TXNRD1: variants seen among roughly 807,000 people sequenced by gnomAD.
TXNRD1 encodes thioredoxin reductase 1, also known as thioredoxin reductase 1, cytoplasmic.
In TXNRD1, 57 loss-of-function variants were observed where a neutral mutation model predicts 80.3. The ratio of observed to expected loss-of-function variants is 0.71; its 90% confidence interval spans 0.57 to 0.89. The LOEUF is 0.89. TXNRD1 is among the 40% of genes least tolerant of loss of function. The pLI is 0.00. For missense variants in TXNRD1, 730 were observed against 803.0 expected (o/e 0.91, Z 1.10); for synonymous variants, 291 against 285.2 (o/e 1.02, Z -0.20).
At chr12:104,252,263 G>C (rs976420675) in intron 2 of TXNRD1, among the ~76,000 whole-genome samples, 1 of 152,126 alleles carries the variant, frequency 6.6e-6, no homozygotes, top group African/African-American at 2.4e-5. Flanking sequence ...GGCCCTTTCA[G>C]ATATGTCTGT....
At chr12:104,246,667 C>T (rs1489079571) in intron 1 of TXNRD1, among the ~76,000 whole-genome samples, 2 of 151,212 alleles carry the variant, frequency 1.3e-5, no homozygotes, top group Non-Finnish European at 2.9e-5. Context: ...GGATTACAGG[C>T]GTGCACCACC....
At chr12:104,332,841 A>G (rs911509503) in intron 14 of TXNRD1, among the ~76,000 whole-genome samples, 1 of 151,596 alleles carries the variant, frequency 6.6e-6, no homozygotes, top group Non-Finnish European at 1.5e-5. Context: ...TTAATTCATG[A>G]AGAGATAACT....
intron 6 of TXNRD1, among the ~76,000 whole-genome samples, chr12:104,315,296 A>G (rs1380274139): frequency 6.6e-6 from 1 of 152,248 alleles, no homozygotes; most frequent in Non-Finnish European, 1.5e-5. Flanking sequence ...GAAAACTTAC[A>G]TTAACCTACA....
intron 2 of TXNRD1, among the ~76,000 whole-genome samples, chr12:104,253,465 A>C (rs1272040488): frequency 6.6e-6 from 1 of 152,126 alleles, no homozygotes; most frequent in Non-Finnish European, 1.5e-5. Context: ...ATCTCAGATA[A>C]CCCATGCTAA....
At chr12:104,230,497 T>C in intron 1 of TXNRD1, among the ~76,000 whole-genome samples, 1 of 152,226 alleles carries the variant, frequency 6.6e-6, no homozygotes, top group Non-Finnish European at 1.5e-5. Flanking sequence ...TGTCTATCTT[T>C]TTTATTCTAG....
rs137940779 is a variant in TXNRD1 at position 104,273,683 on chromosome 12, C to T, written c.305-15248C>T. 5.0e-3 allele frequency among the ~76,000 whole-genome samples: 768 copies of T among 152,308 alleles called. 9 individuals are homozygous for T. Among genetic ancestry groups the T allele is most frequent in the African/African-American group, 0.017 (717 of 41,584 alleles). On this transcript the variant is annotated intron_variant, in intron 3 of 16. Transcript: ENST00000525566. ...ACACAGGATCCTCAAGAGCAAGTAC[C>T]GCCCCGACCTGCGCGTGGCAGCCTT...
chr12:104,335,360 C>A (rs538078114), intron 15 of TXNRD1, among the ~76,000 whole-genome samples: 9 of 152,200 alleles, frequency 5.9e-5, no homozygotes, highest in African/African-American at 2.2e-4. Context: ...CACCACCATG[C>A]CCAGCTATTC....
At chr12:104,221,757 C>T (rs1014914832) in intron 1 of TXNRD1, among the ~76,000 whole-genome samples, 1 of 152,148 alleles carries the variant, frequency 6.6e-6, no homozygotes, top group African/African-American at 2.4e-5. Flanking sequence ...CTTCAGATGA[C>T]AGTGTCTGTT....
chr12:104,224,319 G>A (rs2032423347), intron 1 of TXNRD1, among the ~76,000 whole-genome samples: 1 of 151,936 alleles, frequency 6.6e-6, no homozygotes, highest in Non-Finnish European at 1.5e-5. Context: ...CATTTTTTTT[G>A]TAGGACATAT....
At position 104,325,439 on chromosome 12, in the gene TXNRD1, G is replaced by T; in HGVS notation, c.1308+10G>T. 1 of 1,587,256 alleles carries T rather than the reference G, an allele frequency of 6.3e-7. No homozygotes were observed. Among genetic ancestry groups the T allele is most frequent in the South Asian group, 1.1e-5 (1 of 89,446 alleles). On this transcript the variant is annotated intron_variant, in intron 11 of 16. Coordinates refer to ENST00000525566, the MANE Select transcript of TXNRD1 (RefSeq NM_001093771.3). ...AGGAGAATATAATACGGTAAGGAATGGGCCCAGGTTAATACTTTATCAGAA... is the reference window on the plus strand; with the variant it reads ...AGGAGAATATAATACGGTAAGGAATTGGCCCAGGTTAATACTTTATCAGAA...
chr12:104,254,644 A>AAAAAAAAAATATATATAT, intron 2 of TXNRD1, among the ~76,000 whole-genome samples: 1 of 93,638 alleles, frequency 1.1e-5, no homozygotes, highest in Non-Finnish European at 1.9e-5. Flanking sequence ...AAAAAAAAAA[A>AAAAAAAAAATATATATAT]ATATATATAT....
At chr12:104,313,622 A>G (rs1646912641) in intron 6 of TXNRD1, among the ~76,000 whole-genome samples, 1 of 152,208 alleles carries the variant, frequency 6.6e-6, no homozygotes, top group Admixed American at 6.5e-5. Context: ...AACTTTTCAT[A>G]TGTGGATTTG....
At chr12:104,313,438 C>T in intron 6 of TXNRD1, 121 bp downstream of exon 6, 1 of 690,850 alleles carries the variant, frequency 1.4e-6, no homozygotes, top group South Asian at 2.2e-5. Flanking sequence ...AAAAACAGCC[C>T]CAAAACATAT....
intron 3 of TXNRD1, among the ~76,000 whole-genome samples, chr12:104,261,671 C>T (rs2033371147): frequency 6.6e-6 from 1 of 152,016 alleles, no homozygotes; most frequent in Admixed American, 6.6e-5. Flanking sequence ...AATCCAGAAG[C>T]AAATATGGGA....
intron 1 of TXNRD1, among the ~76,000 whole-genome samples, chr12:104,218,000 A>G (rs1222538478): frequency 2.0e-5 from 3 of 151,926 alleles, no homozygotes; most frequent in African/African-American, 7.3e-5. Flanking sequence ...ACACACACAC[A>G]CAAAATGGAA....
intron 2 of TXNRD1, among the ~76,000 whole-genome samples, chr12:104,254,644 A>AAAAAAAAAAAAATATATATATATAT: frequency 1.5e-4 from 14 of 93,622 alleles, no homozygotes; most frequent in East Asian, 5.4e-4. Flanking sequence ...AAAAAAAAAA[A>AAAAAAAAAAAAATATATATATATAT]ATATATATAT....
intron 3 of TXNRD1, chr12:104,265,969 G>C: frequency 3.6e-6 from 2 of 552,570 alleles, no homozygotes; most frequent in Non-Finnish European, 6.1e-6. Context: ...AAAAAAAAAA[G>C]AAAAGAAATA....
intron 13 of TXNRD1, among the ~76,000 whole-genome samples, 194 bp from the exon 14 acceptor site, chr12:104,331,340 C>T (rs2035939565): frequency 6.6e-6 from 1 of 152,114 alleles, no homozygotes; most frequent in South Asian, 2.1e-4. Context: ...CACTTCTATC[C>T]ACTAAACTTT....
chr12:104,241,937 A>ATTTTTTTTTTTTTTTTTTT (rs747774973), intron 1 of TXNRD1, among the ~76,000 whole-genome samples: 3 of 96,082 alleles, frequency 3.1e-5, no homozygotes, highest in African/African-American at 4.2e-5. Context: ...TATACTAATG[A>ATTTTTTTTTTTTTTTTTTT]TTTTTTTTTT....
Sources: allele counts gnomAD v4.1 joint callset (sites outside exome capture counted in the v4.1 genomes callset), GRCh38; gene constraint gnomAD v4.1.1; transcripts MANE v1.5; gene names NCBI Gene and HGNC (gene_info 2026-07-23, HGNC 2026-07-21).